The following RARB variants were observed in gnomAD, a reference collection of about 807,000 sequenced individuals.
RARB encodes retinoic acid receptor beta.
RARB carries 17 observed loss-of-function variants against 51.9 expected under a neutral mutation model. That is an observed-to-expected ratio of 0.33 (90% CI 0.22 to 0.49). RARB has a LOEUF of 0.49. RARB is among the 20% of genes least tolerant of loss of function. RARB has a pLI of 0.99. For missense variants in RARB, 369 were observed against 550.8 expected (o/e 0.67, Z 3.30); for synonymous variants, 215 against 195.4 (o/e 1.10, Z -0.84).
intron 5 of RARB, among the ~76,000 whole-genome samples, chr3:25,414,171 A>G (rs1411714258): frequency 6.6e-6 from 1 of 152,212 alleles, no homozygotes; most frequent in Admixed American, 6.5e-5. Context: ...CAAATTATAC[A>G]TTAGCTACTA....
At chr3:24,968,987 T>A (rs1033279324) in intron 2 of RARB, among the ~76,000 whole-genome samples, 1 of 152,104 alleles carries the variant, frequency 6.6e-6, no homozygotes, top group Non-Finnish European at 1.5e-5. Context: ...TGGTCATCTT[T>A]TTTTTTTCCT....
intron 5 of RARB, among the ~76,000 whole-genome samples, chr3:25,278,410 A>G (rs934500169): frequency 6.6e-6 from 1 of 152,212 alleles, no homozygotes; most frequent in Admixed American, 6.5e-5. Context: ...CTTGAAATAA[A>G]TATTCTCTAG....
chr3:24,986,797 C>A (rs918906686), intron 2 of RARB, among the ~76,000 whole-genome samples: 3 of 152,076 alleles, frequency 2.0e-5, no homozygotes, highest in Admixed American at 2.0e-4. Context: ...TCGCAGCCTT[C>A]ACCCTGTTAA....
At chr3:25,572,621 C>T (rs1409106844) in intron 4 of RARB, among the ~76,000 whole-genome samples, 3 of 152,090 alleles carry the variant, frequency 2.0e-5, no homozygotes, top group African/African-American at 7.2e-5. Flanking sequence ...GGGCCATTGG[C>T]GGCATCTAGC....
At chr3:25,434,545 T>TTTC (rs1559399873) in intron 1 of RARB, among the ~76,000 whole-genome samples, 1 of 126,528 alleles carries the variant, frequency 7.9e-6, no homozygotes, top group East Asian at 2.5e-4. Flanking sequence ...TTTTTTTTTT[T>TTTC]CTTTTTTTTT....
At chr3:25,175,260 A>G (rs1339931255) in intron 5 of RARB, among the ~76,000 whole-genome samples, 2 of 152,198 alleles carry the variant, frequency 1.3e-5, no homozygotes, top group African/African-American at 4.8e-5. Flanking sequence ...CTGTTTAAAG[A>G]CAAACTGTGG....
intron 2 of RARB, among the ~76,000 whole-genome samples, chr3:25,488,053 T>TCCC (rs1575451368): frequency 3.3e-5 from 5 of 152,358 alleles, no homozygotes; most frequent in East Asian, 1.9e-4. Context: ...TAACTACTGT[T>TCCC]GACAGTATGG....
At chr3:24,965,814 T>G (rs1696241278) in intron 2 of RARB, among the ~76,000 whole-genome samples, 2 of 152,150 alleles carry the variant, frequency 1.3e-5, no homozygotes, top group South Asian at 2.1e-4. Flanking sequence ...AGTCCCAGTT[T>G]CCTCATCCCC....
At chr3:25,302,756 T>C (rs1704070858) in intron 5 of RARB, among the ~76,000 whole-genome samples, 1 of 152,238 alleles carries the variant, frequency 6.6e-6, no homozygotes, top group Admixed American at 6.5e-5. Context: ...TTTTATGTTA[T>C]TGTGAATTGT....
chr3:25,431,942 C>A (rs1348708370), intron 1 of RARB, among the ~76,000 whole-genome samples: 2 of 151,994 alleles, frequency 1.3e-5, no homozygotes, highest in East Asian at 1.9e-4. Flanking sequence ...ATCAAAGATA[C>A]CCTCTGAAAG....
chr3:25,141,072 G>A (rs1700099952), intron 4 of RARB, among the ~76,000 whole-genome samples: 2 of 151,978 alleles, frequency 1.3e-5, no homozygotes, highest in South Asian at 2.1e-4. Context: ...CTTTATTGCA[G>A]TGGTCTGGAA....
At chr3:25,280,353 G>C (rs1029466156) in intron 5 of RARB, among the ~76,000 whole-genome samples, 1 of 152,146 alleles carries the variant, frequency 6.6e-6, no homozygotes, top group African/African-American at 2.4e-5. Flanking sequence ...CTTCAGGGGA[G>C]AAGGATGAGG....
intron 2 of RARB, among the ~76,000 whole-genome samples, chr3:24,875,745 A>T (rs1318703283): frequency 6.6e-6 from 1 of 152,156 alleles, no homozygotes; most frequent in Non-Finnish European, 1.5e-5. Flanking sequence ...AATAACATTA[A>T]TATAATACTA....
chr3:25,164,765 G>T (rs187993875), intron 4 of RARB, among the ~76,000 whole-genome samples: 1 of 152,106 alleles, frequency 6.6e-6, no homozygotes, highest in Non-Finnish European at 1.5e-5. Flanking sequence ...AAATGGGTAC[G>T]CATACATGCT....
At chr3:24,842,816 CAT>C (rs977152541) in intron 1 of RARB, among the ~76,000 whole-genome samples, 26 of 152,286 alleles carry the variant, frequency 1.7e-4, no homozygotes, top group African/African-American at 5.8e-4. Flanking sequence ...AAACAATAAA[CAT>C]AATTCTTTAA....
chr3:25,364,159 G>C (rs553347130), intron 5 of RARB, among the ~76,000 whole-genome samples: 1 of 151,800 alleles, frequency 6.6e-6, no homozygotes, highest in African/African-American at 2.4e-5. Flanking sequence ...TTATTATCCA[G>C]ATTCTTCTGT....
intron 1 of RARB, among the ~76,000 whole-genome samples, chr3:24,853,251 A>G (rs1224888167): frequency 6.6e-6 from 1 of 151,924 alleles, no homozygotes; most frequent in Admixed American, 6.6e-5. Flanking sequence ...CGGGAGGCGG[A>G]GCTTGCAGTG....
intron 5 of RARB, among the ~76,000 whole-genome samples, chr3:25,199,659 T>C (rs576783184): frequency 4.6e-5 from 7 of 152,248 alleles, no homozygotes; most frequent in African/African-American, 1.2e-4. Flanking sequence ...TGTGTTCTCA[T>C]TGTTCAATTC....
intron 2 of RARB, among the ~76,000 whole-genome samples, chr3:24,985,505 C>G (rs1236719785): frequency 6.6e-6 from 1 of 152,100 alleles, no homozygotes; most frequent in African/African-American, 2.4e-5. Context: ...TTGCACAAAG[C>G]AATTTTACCT....
Sources: gnomAD v4.1 joint callset for allele counts (sites outside exome capture counted in the v4.1 genomes callset) on GRCh38, gnomAD v4.1.1 for gene constraint, MANE v1.5 for transcripts, NCBI Gene and HGNC (gene_info 2026-07-23, HGNC 2026-07-21) for gene names.